PTPRN2: variants seen among roughly 807,000 people sequenced by gnomAD.
The protein encoded by PTPRN2 is receptor-type tyrosine-protein phosphatase N2.
A neutral mutation model predicts 118.8 loss-of-function variants in PTPRN2; 74 were observed. The ratio of observed to expected loss-of-function variants is 0.62; its 90% confidence interval spans 0.52 to 0.76. PTPRN2 has a LOEUF of 0.76. Ranked by LOEUF, PTPRN2 falls within the 30% of genes least tolerant of loss-of-function variation. PTPRN2 has a pLI of 0.00. For synonymous variants in PTPRN2, 641 were observed against 608.0 expected (o/e 1.05, Z -0.80); for missense variants, 1,481 against 1,394.4 (o/e 1.06, Z -0.99).
chr7:157,676,526 A>G lies in PTPRN2; in HGVS notation c.2001+6199T>C, dbSNP rs1377703521. ...TCCCAAATCTCCCACAGTGCCTCAC[A>G]CTACGAGGGAAGATGGTGGAGGAGC... On this transcript the variant is annotated intron_variant, in intron 13 of 22. Transcript: ENST00000389418. This position sits in a 1 kb window ranked among gnomAD's most constrained non-coding sequence, Gnocchi z 5.6. 6.6e-6 allele frequency among the ~76,000 whole-genome samples: 1 copy of G among 152,210 alleles called. No individual in the cohort carries two copies. The highest frequency in any genetic ancestry group is 1.5e-5 in the Non-Finnish European group (1 of 68,036).
At chr7:157,885,111 G>C (rs935774122) in intron 12 of PTPRN2, among the ~76,000 whole-genome samples, 2 of 152,176 alleles carry the variant, frequency 1.3e-5, no homozygotes, top group Non-Finnish European at 2.9e-5. Context: ...TCCCCACACA[G>C]AGTAGTAGCT....
chr7:158,400,174 G>A (rs1291154855), intron 2 of PTPRN2, among the ~76,000 whole-genome samples: 1 of 152,092 alleles, frequency 6.6e-6, no homozygotes, highest in Non-Finnish European at 1.5e-5. Context: ...AAACTTACGA[G>A]GCCCCCACAA....
chr7:158,546,094 G>A lies in PTPRN2; in HGVS notation c.112+41464C>T, dbSNP rs1028326968. ...TGGAGACCAAAAAAACTGGGCCAACGGCCCACAAACACGTGAGCCAGGTGA... is the reference window on the plus strand; with the variant it reads ...TGGAGACCAAAAAAACTGGGCCAACAGCCCACAAACACGTGAGCCAGGTGA... On this transcript the variant is annotated intron_variant, in intron 1 of 22. Coordinates refer to ENST00000389418, the MANE Select transcript of PTPRN2 (RefSeq NM_002847.5). This position sits in a 1 kb window ranked among gnomAD's most constrained non-coding sequence, Gnocchi z 5.0. Among the ~76,000 whole-genome samples, 14 of 152,332 alleles carry A rather than the reference G, an allele frequency of 9.2e-5. No individual in the cohort carries two copies. The highest frequency in any genetic ancestry group is 1.9e-4 in the African/African-American group (8 of 41,590).
At chr7:157,897,252 C>A (rs745871156) in intron 12 of PTPRN2, among the ~76,000 whole-genome samples, 1 of 152,142 alleles carries the variant, frequency 6.6e-6, no homozygotes, top group African/African-American at 2.4e-5. Context: ...GACGCACCTC[C>A]GACATCACAT....
intron 8 of PTPRN2, among the ~76,000 whole-genome samples, chr7:158,134,772 C>T (rs1490078233): frequency 6.6e-6 from 1 of 152,178 alleles, no homozygotes; most frequent in Non-Finnish European, 1.5e-5. Flanking sequence ...TGACTATGCA[C>T]CGGGTACAGA....
intron 2 of PTPRN2, among the ~76,000 whole-genome samples, chr7:158,365,574 T>G (rs1341977832): frequency 6.6e-6 from 1 of 152,194 alleles, no homozygotes; most frequent in East Asian, 1.9e-4. Flanking sequence ...AGAACTGGCA[T>G]GCGTGGAGTC....
chr7:158,339,991 C>A (rs1414054516), intron 2 of PTPRN2, among the ~76,000 whole-genome samples: 1 of 70,564 alleles, frequency 1.4e-5, no homozygotes, highest in Non-Finnish European at 2.9e-5. Context: ...AGCTGTCGCC[C>A]GCAGAAGTCA....
intron 21 of PTPRN2, among the ~76,000 whole-genome samples, chr7:157,557,149 T>G (rs1563210478): frequency 7.1e-6 from 1 of 141,656 alleles, no homozygotes; most frequent in South Asian, 2.3e-4. Context: ...TCATATATAC[T>G]CACATGCATG....
At chr7:158,198,158 T>A (rs746915970) in intron 4 of PTPRN2, among the ~76,000 whole-genome samples, 18 of 152,188 alleles carry the variant, frequency 1.2e-4, no homozygotes, top group Admixed American at 3.3e-4. Flanking sequence ...TGGAACCACC[T>A]CATAAATGTA....
In PTPRN2 at chr7:158,517,233, G is replaced by A. The variant is rs1467022995; in HGVS notation, c.113-27448C>T. ...CCCACAGTTGAGGGCTGCCCCACAGGCTTCCTCCTCACTTCGGGGGTGCAA... is the reference window on the plus strand; with the variant it reads ...CCCACAGTTGAGGGCTGCCCCACAGACTTCCTCCTCACTTCGGGGGTGCAA... On this transcript the variant is annotated intron_variant, in intron 1 of 22. Coordinates refer to ENST00000389418, the MANE Select transcript of PTPRN2 (RefSeq NM_002847.5). This position sits in a 1 kb window ranked among gnomAD's most constrained non-coding sequence, Gnocchi z 5.3. Among the ~76,000 whole-genome samples the A allele has an allele frequency of 6.6e-6, 1 of 152,170 alleles. No homozygotes were observed. Among genetic ancestry groups the A allele is most frequent in the African/African-American group, 2.4e-5 (1 of 41,440 alleles).
chr7:158,300,383 T>G (rs1229022735), intron 3 of PTPRN2, among the ~76,000 whole-genome samples: 1 of 152,036 alleles, frequency 6.6e-6, no homozygotes, highest in East Asian at 1.9e-4. Context: ...TGGACCTAGG[T>G]AGTCGCCAGG....
intron 14 of PTPRN2, among the ~76,000 whole-genome samples, chr7:157,646,653 G>T (rs759493851): frequency 6.6e-6 from 1 of 152,122 alleles, no homozygotes; most frequent in African/African-American, 2.4e-5. Flanking sequence ...CACTGGTACC[G>T]GGCCCTGTGA....
At chr7:158,491,408 C>T (rs558684716) in intron 1 of PTPRN2, among the ~76,000 whole-genome samples, 8 of 152,306 alleles carry the variant, frequency 5.3e-5, no homozygotes, top group East Asian at 1.9e-4. Context: ...CACCCATTGA[C>T]GGGAGCCTCC....
chr7:157,564,138 A>AT (rs911492729), intron 21 of PTPRN2, among the ~76,000 whole-genome samples: 13 of 151,390 alleles, frequency 8.6e-5, no homozygotes, highest in South Asian at 2.1e-4. Context: ...AAGAAAAAAA[A>AT]ATATATTTTT....
chr7:157,827,879 G>A (rs772539769), intron 12 of PTPRN2, among the ~76,000 whole-genome samples: 1 of 152,180 alleles, frequency 6.6e-6, no homozygotes, highest in Non-Finnish European at 1.5e-5. Flanking sequence ...CGGGCTGCAC[G>A]TTCTGATTTT....
Position 157,619,567 on chromosome 7 carries a change from T to C in PTPRN2, c.2344+1795A>G, listed in dbSNP as rs541619677. Among the ~76,000 whole-genome samples, 1 of 152,368 alleles carries C rather than the reference T, an allele frequency of 6.6e-6. No homozygotes were observed. Among genetic ancestry groups the C allele is most frequent in the East Asian group, 1.9e-4 (1 of 5,184 alleles). On this transcript the variant is annotated intron_variant, in intron 15 of 22. Coordinates refer to ENST00000389418, the MANE Select transcript of PTPRN2 (RefSeq NM_002847.5). The surrounding 1 kb of genome is among the most constrained non-coding windows in gnomAD (Gnocchi z 5.3). The stretch of plus-strand genomic sequence containing the variant: ...TATTGTATTTTGCTTTTCTTCTAAA[T>C]ATAAAATTTATAAATCACACAGCTT...
intron 12 of PTPRN2, among the ~76,000 whole-genome samples, chr7:157,821,948 A>C (rs1339845554): frequency 3.3e-5 from 5 of 151,980 alleles, no homozygotes; most frequent in African/African-American, 4.8e-5. Context: ...TCATCCATAC[A>C]CCCACTCATC....
chr7:158,572,010 G>A (rs1828070539), intron 1 of PTPRN2, among the ~76,000 whole-genome samples: 2 of 152,206 alleles, frequency 1.3e-5, no homozygotes, highest in African/African-American at 4.8e-5. Context: ...AAAGAGAAAG[G>A]TGCTAGTGAG....
chr7:158,269,634 G>A (rs1329279310), intron 3 of PTPRN2, among the ~76,000 whole-genome samples: 1 of 152,184 alleles, frequency 6.6e-6, no homozygotes, highest in Non-Finnish European at 1.5e-5. Context: ...AATGGTGAAG[G>A]GTCCAGGATG....
Sources: allele counts gnomAD v4.1 joint callset (sites outside exome capture counted in the v4.1 genomes callset), GRCh38; gene constraint gnomAD v4.1.1; non-coding constraint Gnocchi (gnomAD v3.1); transcripts MANE v1.5; gene names NCBI Gene and HGNC (gene_info 2026-07-23, HGNC 2026-07-21).